The following ERI1 variants were observed in gnomAD, a reference collection of about 807,000 sequenced individuals.
ERI1 encodes the protein 3'-5' exoribonuclease 1.
Under a neutral mutation model 39.7 loss-of-function variants are expected in ERI1, and 39 were observed. The observed-to-expected ratio is 0.98, with a 90% CI of 0.76 to 1.28. ERI1 has a LOEUF of 1.28. ERI1 is among the 50% of genes most tolerant of loss of function. ERI1 has a pLI of 0.00. For missense variants in ERI1, 581 were observed against 416.9 expected (o/e 1.39, Z -3.43); for synonymous variants, 204 against 149.6 (o/e 1.36, Z -2.65).
chr8:9,046,862 G>C (rs912518498), intron 3 of ERI1, among the ~76,000 whole-genome samples: 1 of 152,190 alleles, frequency 6.6e-6, no homozygotes, highest in Admixed American at 6.5e-5. Context: ...AATACAATCA[G>C]TTTTGTGGCA....
rs535497287 is a variant in ERI1 at position 9,070,358 on chromosome 8, C to T, written n.300-45990C>T. On this transcript the variant is annotated intron_variant and non_coding_transcript_variant, in intron 3 of 3. Transcript: ENST00000518663. ...TCTAAAGAAGCAGGGTGTGGTGGCT[C>T]CCACATATAATCCTAGCCCTTTGGG... Among the ~76,000 whole-genome samples the T allele has an allele frequency of 2.6e-5, 4 of 152,194 alleles. No individual in the cohort carries two copies. The South Asian group carries it at 6.2e-4, about 24-fold the overall frequency.
In ERI1 at chr8:9,011,548, A is replaced by G. The variant is rs766472046; in HGVS notation, c.294A>G (p.Val98=). 14 of 1,603,008 alleles carry G rather than the reference A, an allele frequency of 8.7e-6. No individual in the cohort carries two copies. The highest frequency in any genetic ancestry group is 2.2e-5 in the East Asian group (1 of 44,796). ...GTCTTCTTCTTCTACTTAGAGGAGT[A>G]AAGGATGTTCTAAAGAAGAGACTGA... The part of the protein sequence containing the change: ...LSEFKLETRG[V]KDVLKKRLKN... The change falls in exon 3 of 7, where the codon GTA becomes GTG. Residue 98 remains valine, a synonymous_variant. Coordinates refer to ENST00000250263, the MANE Select transcript of ERI1 (RefSeq NM_153332.4).
intron 3 of ERI1, among the ~76,000 whole-genome samples, chr8:9,060,703 C>G (rs983983560): frequency 1.5e-4 from 22 of 151,636 alleles, no homozygotes; most frequent in Non-Finnish European, 2.7e-4. Flanking sequence ...GAAGTTTCAG[C>G]GGGGGAGTAG....
downstream of ERI1, among the ~76,000 whole-genome samples, chr8:9,037,243 G>C (rs1797881204): frequency 6.6e-6 from 1 of 152,102 alleles, no homozygotes; most frequent in Non-Finnish European, 1.5e-5. Flanking sequence ...ATCTGCTCTA[G>C]GGTAATAGTT....
chr8:9,049,252 C>T (rs1407965880), intron 3 of ERI1, among the ~76,000 whole-genome samples: 1 of 139,450 alleles, frequency 7.2e-6, no homozygotes, highest in East Asian at 2.3e-4. Context: ...AGGAGAATCG[C>T]TTGAACTGAG....
rs114069816 is a variant in ERI1, at chr8:9,060,930, G to A, written n.299+40466G>A. The stretch of plus-strand genomic sequence containing the variant: ...TAAAGAGGCATTAATGATGGAGGAC[G>A]CTTGCGTAGTGAGGAAACCTCTTTC... On this transcript the variant is annotated intron_variant and non_coding_transcript_variant, in intron 3 of 3. Coordinates refer to the ERI1 transcript ENST00000518663. Among the ~76,000 whole-genome samples the A allele has an allele frequency of 8.1e-3, 1,240 of 152,330 alleles. 19 individuals are homozygous for A. Among genetic ancestry groups the A allele is most frequent in the African/African-American group, 0.028 (1,174 of 41,576 alleles).
At chr8:9,027,772 G>GT (rs1262633742) in intron 6 of ERI1, among the ~76,000 whole-genome samples, 2 of 152,150 alleles carry the variant, frequency 1.3e-5, no homozygotes, top group Non-Finnish European at 2.9e-5. Flanking sequence ...ATTTGTGAAA[G>GT]TTTATTTCTA....
intron 3 of ERI1, among the ~76,000 whole-genome samples, chr8:9,089,648 G>A (rs1488014044): frequency 2.0e-5 from 3 of 152,128 alleles, no homozygotes; most frequent in Admixed American, 6.5e-5. Flanking sequence ...TCAAAGTCCT[G>A]CCCGGAGCCC....
chr8:9,087,158 C>A (rs1482829885), intron 3 of ERI1, among the ~76,000 whole-genome samples: 1 of 151,864 alleles, frequency 6.6e-6, no homozygotes, highest in African/African-American at 2.4e-5. Context: ...GGTTTTAAGC[C>A]CCACATGCAT....
intron 3 of ERI1, among the ~76,000 whole-genome samples, chr8:9,097,865 C>T: frequency 6.6e-6 from 1 of 151,672 alleles, no homozygotes; most frequent in Admixed American, 6.6e-5. Context: ...GCTTAACAAC[C>T]CAAATGCCCG....
chr8:9,028,278 T>C (rs1187954960), intron 6 of ERI1, among the ~76,000 whole-genome samples: 2 of 152,232 alleles, frequency 1.3e-5, no homozygotes, highest in East Asian at 1.9e-4. Context: ...ATTTTCTGTT[T>C]CTTTGTAATT....
At position 9,016,339 on chromosome 8, in the gene ERI1, G is replaced by T. The variant is rs1243339434; in HGVS notation, c.516G>T (p.Gln172His). The T allele has an allele frequency of 1.2e-6, 2 of 1,604,042 alleles. No individual in the cohort carries two copies. Among genetic ancestry groups the T allele is most frequent in the African/African-American group, 2.7e-5 (2 of 74,426 alleles). Residue 172 changes from glutamine to histidine, a missense_variant, in exon 4 of 7, where the codon CAG becomes CAT. Coordinates refer to ENST00000250263, the MANE Select transcript of ERI1 (RefSeq NM_153332.4). ...CCTTGCAGGAAGACACGTTTCAGCA[G>T]TATGTAAGACCAGAGATTAACACAC... ...HTLEIEDTFQ[Q>H]YVRPEINTQL...
intron 4 of ERI1, among the ~76,000 whole-genome samples, chr8:9,016,962 C>G (rs1048687217): frequency 6.6e-6 from 1 of 152,182 alleles, no homozygotes; most frequent in African/African-American, 2.4e-5. Flanking sequence ...GGATTACAGA[C>G]GTGAGCCACC....
chr8:9,023,463 G>A (rs1473534009), intron 6 of ERI1, among the ~76,000 whole-genome samples: 1 of 152,084 alleles, frequency 6.6e-6, no homozygotes, highest in African/African-American at 2.4e-5. Context: ...ACAGCTCACA[G>A]TATATTAGTG....
chr8:9,090,469 G>T (rs1799669942), intron 3 of ERI1, among the ~76,000 whole-genome samples: 1 of 152,018 alleles, frequency 6.6e-6, no homozygotes, highest in South Asian at 2.1e-4. Flanking sequence ...TATTGATTAT[G>T]GTAAAATATT....
downstream of ERI1, among the ~76,000 whole-genome samples, chr8:9,036,301 G>A (rs892315629): frequency 5.3e-5 from 8 of 152,138 alleles, no homozygotes; most frequent in Non-Finnish European, 4.4e-5. Context: ...AGTTGATGGA[G>A]CAAACTTCAT....
At chr8:9,019,390 A>G (rs1317492909) in intron 5 of ERI1, among the ~76,000 whole-genome samples, 1 of 152,238 alleles carries the variant, frequency 6.6e-6, no homozygotes, top group Non-Finnish European at 1.5e-5. Flanking sequence ...AAAAATGTTT[A>G]TGGACCTCTT....
At position 9,003,071 on chromosome 8, in the gene ERI1, A is replaced by T; in HGVS notation, c.8A>T (p.Asp3Val). Residue 3 changes from aspartate to valine, a missense_variant, in exon 1 of 7, where the codon GAT (aspartate) becomes GTT (valine). By Grantham distance (152) the Asp-to-Val change is radical (BLOSUM62 -3). Coordinates refer to ENST00000250263, the MANE Select transcript of ERI1 (RefSeq NM_153332.4). ...TCTGGCGTGACAGCCGGCATGGAGG[A>T]TCCACAGAGTAAAGAGCCTGCCGGC... The part of the protein sequence containing the change: ME[D>V]PQSKEPAGEA... The T allele has an allele frequency of 3.2e-6, 4 of 1,247,292 alleles. No individual in the cohort carries two copies. The highest frequency in any genetic ancestry group is 4.0e-6 in the Non-Finnish European group (4 of 987,960). 77.3% of individuals were successfully genotyped at this position (1,247,292 alleles called of 1,614,324 possible). A position where few individuals can be genotyped will look rare whatever the true frequency, so the allele number is the denominator to read the frequency against.
At chr8:9,019,163 C>A (rs1053606993) in intron 5 of ERI1, among the ~76,000 whole-genome samples, 4 of 152,118 alleles carry the variant, frequency 2.6e-5, no homozygotes, top group Non-Finnish European at 5.9e-5. Context: ...ATGGGAAGAT[C>A]AGAAAGATTA....
Sources: gnomAD v4.1 joint callset for allele counts (sites outside exome capture counted in the v4.1 genomes callset) on GRCh38, gnomAD v4.1.1 for gene constraint, MANE v1.5 for transcripts, NCBI Gene and HGNC (gene_info 2026-07-23, HGNC 2026-07-21) for gene names.